Variants in FANCL observed in about 807,000 individuals in gnomAD.
The protein encoded by FANCL is E3 ubiquitin-protein ligase FANCL.
A neutral mutation model predicts 59.4 loss-of-function variants in FANCL; 69 were observed. The observed-to-expected ratio is 1.16, with a 90% CI of 0.96 to 1.42. The LOEUF is 1.42. Among genes scored for constraint, FANCL ranks in the 40% most tolerant of loss-of-function variants. The pLI, the probability that FANCL is intolerant of heterozygous loss-of-function variation, is 0.00. For missense variants in FANCL, 519 were observed against 447.2 expected (o/e 1.16, Z -1.45); for synonymous variants, 180 against 147.1 (o/e 1.22, Z -1.62).
intron 5 of FANCL, among the ~76,000 whole-genome samples, chr2:58,207,304 G>C (rs1395481875): frequency 6.6e-6 from 1 of 152,156 alleles, no homozygotes; most frequent in African/African-American, 2.4e-5. Context: ...GATGATGAAG[G>C]TATGACATAT....
intron 7 of FANCL, among the ~76,000 whole-genome samples, chr2:58,189,437 A>C (rs1362446909): frequency 6.6e-6 from 1 of 152,146 alleles, no homozygotes. Flanking sequence ...AAGAATGCAG[A>C]AGAGTTCATA....
chr2:58,198,031 G>A (rs1689600742), intron 7 of FANCL, among the ~76,000 whole-genome samples: 2 of 151,080 alleles, frequency 1.3e-5, no homozygotes, highest in Non-Finnish European at 3.0e-5. Flanking sequence ...GCTGGATGGT[G>A]TGTGTGTGTG....
chr2:58,193,445 A>T (rs1221831393), intron 7 of FANCL, among the ~76,000 whole-genome samples: 1 of 152,120 alleles, frequency 6.6e-6, no homozygotes, highest in Admixed American at 6.6e-5. Context: ...CGAGAAAGAA[A>T]AATAAAAGAA....
intron 3 of FANCL, among the ~76,000 whole-genome samples, chr2:58,227,500 C>A (rs917954761): frequency 1.3e-5 from 2 of 152,182 alleles, no homozygotes; most frequent in African/African-American, 2.4e-5. Flanking sequence ...AGCCCAGGCT[C>A]TCCTCCAACC....
At chr2:58,178,221 C>G (rs540471676) in intron 7 of FANCL, among the ~76,000 whole-genome samples, 2 of 152,224 alleles carry the variant, frequency 1.3e-5, no homozygotes, top group Admixed American at 6.6e-5. Context: ...TGACTCCTCC[C>G]TAACTCATTT....
chr2:58,174,604 C>T (rs1031016030), intron 7 of FANCL, among the ~76,000 whole-genome samples: 1 of 152,040 alleles, frequency 6.6e-6, no homozygotes, highest in African/African-American at 2.4e-5. Context: ...AACAAAGACA[C>T]AATATACCAG....
chr2:58,222,424 GCCTGAACTCTAAGTACATTA>G (rs780855374), intron 4 of FANCL, among the ~76,000 whole-genome samples: 62 of 152,014 alleles, frequency 4.1e-4, no homozygotes, highest in Non-Finnish European at 6.6e-4. Flanking sequence ...CTAAAGAAAG[GCCTGAACTCTAAGTACATTA>G]CCTAAACTGA....
rs1347961683 is a variant in FANCL, at chr2:58,226,624, G to A, written c.273+104C>T. ...AAAAGAAAACATCAAATGACTGAGAGTTAAGAAGACAAATTCTAATAATGT... is the reference window on the plus strand; with the variant it reads ...AAAAGAAAACATCAAATGACTGAGAATTAAGAAGACAAATTCTAATAATGT... On this transcript the variant is annotated intron_variant, in intron 4 of 13. Transcript: ENST00000233741. 6 of 852,866 alleles carry A rather than the reference G, an allele frequency of 7.0e-6. No individual in the cohort carries two copies. In the South Asian group the frequency reaches 7.5e-5, roughly 11 times the overall value. 52.8% of individuals were successfully genotyped at this position (852,866 alleles called of 1,614,324 possible).
chr2:58,217,169 T>TAC (rs1691844737), intron 5 of FANCL, among the ~76,000 whole-genome samples: 1 of 27,506 alleles, frequency 3.6e-5, no homozygotes, highest in Non-Finnish European at 6.2e-5. Flanking sequence ...ATATATTTTA[T>TAC]ATATATATAT....
intron 2 of FANCL, among the ~76,000 whole-genome samples, chr2:58,231,209 T>C (rs1235604974): frequency 6.6e-6 from 1 of 152,162 alleles, no homozygotes; most frequent in Non-Finnish European, 1.5e-5. Context: ...CTTTCTCTTC[T>C]ACCCCGCTAG....
rs1325930932 is a variant in FANCL, at chr2:58,226,847, T to TA, written c.217-64dup. On this transcript the variant is annotated intron_variant, in intron 3 of 13. Transcript: ENST00000233741. Reference sequence around the variant, plus strand: ...ATAAATATTCTATCCACTAAAACTGTAAAAAAATGTAGGCCCAAGTGAATG... The same window carrying TA: ...ATAAATATTCTATCCACTAAAACTGTAAAAAAAATGTAGGCCCAAGTGAATG... 3.5e-5 allele frequency: 48 copies of TA among 1,367,742 alleles called. No individual in the cohort carries two copies. The African/African-American group carries it at 5.3e-4, about 15-fold the overall frequency. The allele number at this position is 1,367,742 out of a possible 1,614,324, so 84.7% of individuals were successfully genotyped here.
intron 13 of FANCL, 147 bp from the exon 14 acceptor site, chr2:58,159,947 A>AAGGAGTTT: frequency 6.6e-7 from 1 of 1,525,392 alleles, no homozygotes. Flanking sequence ...AAATCTAGAA[A>AAGGAGTTT]AGGAGTTTAA....
rs903277026 is a variant in FANCL at position 58,211,449 on chromosome 2, C to T, written c.375-7223G>A. On this transcript the variant is annotated intron_variant, in intron 5 of 13. Transcript: ENST00000233741. ...CCAGGGCTGTTATGTGAGTGGCTGC[C>T]GTGAAGACCTCTGGCATGCCCTGGA... 7.9e-5 allele frequency among the ~76,000 whole-genome samples: 12 copies of T among 152,250 alleles called. No homozygotes were observed. In the South Asian group the frequency reaches 8.3e-4, roughly 11 times the overall value.
chr2:58,200,384 G>C (rs1689877271), intron 6 of FANCL, among the ~76,000 whole-genome samples: 1 of 151,978 alleles, frequency 6.6e-6, no homozygotes, highest in African/African-American at 2.4e-5. Context: ...AACTCAACTA[G>C]AAGTGTTACA....
At chr2:58,201,617 T>C (rs559369376) in intron 6 of FANCL, among the ~76,000 whole-genome samples, 4 of 152,132 alleles carry the variant, frequency 2.6e-5, no homozygotes, top group African/African-American at 9.6e-5. Context: ...TGACCAAAGC[T>C]GAGGAAGCCC....
intron 5 of FANCL, among the ~76,000 whole-genome samples, chr2:58,217,754 T>A: frequency 6.6e-6 from 1 of 150,886 alleles, no homozygotes. Flanking sequence ...TGGGAGAATT[T>A]AACACAGCTC....
rs11427269 is a variant in FANCL at position 58,215,704 on chromosome 2, C to CAA, written c.374+6236_374+6237dup. 1.1e-3 allele frequency among the ~76,000 whole-genome samples: 115 copies of CAA among 106,594 alleles called. 1 individual carries two copies. Among genetic ancestry groups the CAA allele is most frequent in the South Asian group, 3.3e-3 (11 of 3,342 alleles). 69.9% of individuals were successfully genotyped at this position (106,594 alleles called of 152,430 possible). A position where few individuals can be genotyped will look rare whatever the true frequency, so the allele number is the denominator to read the frequency against. ...CAGATTGAGAGCTGCTATTAAGTGG[C>CAA]AAAAAAAAAAAAAAGCATCATTTCC... On this transcript the variant is annotated intron_variant, in intron 5 of 13. Transcript: ENST00000233741.
At chr2:58,208,481 T>C (rs1253136464) in intron 5 of FANCL, among the ~76,000 whole-genome samples, 1 of 152,220 alleles carries the variant, frequency 6.6e-6, no homozygotes, top group Admixed American at 6.5e-5. Flanking sequence ...AATAGCTGAA[T>C]GTCAACAAGT....
intron 7 of FANCL, 27 bp from the exon 8 acceptor site, chr2:58,165,901 G>T (rs763452293): frequency 6.2e-7 from 1 of 1,606,662 alleles, no homozygotes; most frequent in African/African-American, 1.3e-5. Context: ...AGTTGAATAA[G>T]TTATATGGTA....
Sources: gnomAD v4.1 joint callset for allele counts (sites outside exome capture counted in the v4.1 genomes callset) on GRCh38, gnomAD v4.1.1 for gene constraint, MANE v1.5 for transcripts, NCBI Gene and HGNC (gene_info 2026-07-23, HGNC 2026-07-21) for gene names.